The following PDCD10 variants were observed in gnomAD, a reference collection of about 807,000 sequenced individuals.
PDCD10 encodes the protein programmed cell death protein 10.
In PDCD10, 4 loss-of-function variants were observed where a neutral mutation model predicts 29.2. The observed-to-expected ratio is 0.14, with a 90% CI of 0.07 to 0.31. PDCD10 has a LOEUF of 0.31. Among genes scored for constraint, PDCD10 ranks in the 10% least tolerant of loss-of-function variants. PDCD10 has a pLI of 1.00. For synonymous variants in PDCD10, 70 were observed against 82.2 expected, an observed-to-expected ratio of 0.85 and a Z score of 0.80; for missense variants, 183 against 257.9, an observed-to-expected ratio of 0.71 and a Z score of 1.99.
chr3:167,710,010 G>A (rs1722370954), intron 3 of PDCD10, among the ~76,000 whole-genome samples: 1 of 152,126 alleles, frequency 6.6e-6, no homozygotes, highest in African/African-American at 2.4e-5. Context: ...GCCCTGAAGG[G>A]AAGGATCCAA....
At chr3:167,686,289 A>G (rs1018736045) in intron 8 of PDCD10, among the ~76,000 whole-genome samples, 1 of 152,194 alleles carries the variant, frequency 6.6e-6, no homozygotes, top group Non-Finnish European at 1.5e-5. Context: ...CATCACAACC[A>G]ATTATATATA....
At chr3:167,724,017 A>G (rs550823757) in intron 2 of PDCD10, among the ~76,000 whole-genome samples, 34 of 152,316 alleles carry the variant, frequency 2.2e-4, no homozygotes, top group Non-Finnish European at 4.1e-4. Flanking sequence ...CTCCGCTGCC[A>G]AACTCTTAAA....
intron 3 of PDCD10, among the ~76,000 whole-genome samples, chr3:167,719,327 G>A (rs1027756077): frequency 6.6e-6 from 1 of 152,044 alleles, no homozygotes; most frequent in Non-Finnish European, 1.5e-5. Context: ...GATTTGATTT[G>A]TTATAGGTAA....
chr3:167,706,866 C>T (rs1444110158), intron 3 of PDCD10, among the ~76,000 whole-genome samples: 1 of 152,142 alleles, frequency 6.6e-6, no homozygotes, highest in South Asian at 2.1e-4. Context: ...ATAATTTCAG[C>T]CTGTACTAGT....
At chr3:167,704,165 CAT>C (rs1223476513) in intron 4 of PDCD10, among the ~76,000 whole-genome samples, 1 of 152,170 alleles carries the variant, frequency 6.6e-6, no homozygotes, top group Non-Finnish European at 1.5e-5. Flanking sequence ...TTTTTAGACT[CAT>C]GTTCTATAAT....
rs540720198 is a variant in PDCD10, at chr3:167,695,752, T to A, written c.269-30A>T. 3.3e-4 allele frequency: 536 copies of A among 1,608,544 alleles called. 2 individuals are homozygous for A. The South Asian group carries it at 5.5e-3, about 17-fold the overall frequency. On this transcript the variant is annotated intron_variant, in intron 5 of 8. Coordinates refer to ENST00000392750, the MANE Select transcript of PDCD10 (RefSeq NM_007217.4). ...TAAAATAAATACATAATAAAAAACA[T>A]CCTGCGACTCTCTGCCAAATTCATC...
chr3:167,733,479 T>C (rs1462515985), intron 2 of PDCD10, among the ~76,000 whole-genome samples: 3 of 152,140 alleles, frequency 2.0e-5, no homozygotes, highest in African/African-American at 7.2e-5. Context: ...TCACAGTTGA[T>C]GCTAAGAAAA....
At chr3:167,707,528 A>G (rs1482932859) in intron 3 of PDCD10, among the ~76,000 whole-genome samples, 1 of 151,970 alleles carries the variant, frequency 6.6e-6, no homozygotes, top group Non-Finnish European at 1.5e-5. Flanking sequence ...AATACAAAAA[A>G]AAATTAGCTG....
chr3:167,700,733 G>T (rs1721318998), intron 4 of PDCD10, among the ~76,000 whole-genome samples: 1 of 152,124 alleles, frequency 6.6e-6, no homozygotes, highest in Non-Finnish European at 1.5e-5. Flanking sequence ...TGCCAGCCAA[G>T]GATAGTTTGA....
intron 6 of PDCD10, among the ~76,000 whole-genome samples, chr3:167,692,543 C>A (rs1720364924): frequency 6.6e-6 from 1 of 152,176 alleles, no homozygotes; most frequent in African/African-American, 2.4e-5. Context: ...AAATAAAACT[C>A]CATGAACAGT....
intron 8 of PDCD10, 48 bp from the exon 9 acceptor site, chr3:167,684,437 C>A (rs767244755): frequency 1.8e-6 from 2 of 1,112,956 alleles, no homozygotes; most frequent in East Asian, 2.4e-5. Context: ...AAAAAATTCA[C>A]CCTTTTAAGA....
At chr3:167,731,256 A>C (rs762912496) in intron 2 of PDCD10, among the ~76,000 whole-genome samples, 9 of 152,190 alleles carry the variant, frequency 5.9e-5, no homozygotes, top group Non-Finnish European at 1.3e-4. Context: ...TTCCATGTCT[A>C]TATTTTGTTA....
chr3:167,690,975 CT>C (rs964309340), intron 6 of PDCD10, among the ~76,000 whole-genome samples: 3 of 152,156 alleles, frequency 2.0e-5, no homozygotes, highest in Non-Finnish European at 2.9e-5. Context: ...TTTACTTGTA[CT>C]TTGATACAAT....
intron 6 of PDCD10, among the ~76,000 whole-genome samples, chr3:167,688,401 C>T (rs888008073): frequency 2.0e-5 from 3 of 152,142 alleles, no homozygotes; most frequent in Non-Finnish European, 2.9e-5. Flanking sequence ...TGCACTTTAA[C>T]CTTCCCAGCA....
intron 3 of PDCD10, among the ~76,000 whole-genome samples, chr3:167,707,103 G>C (rs1026952948): frequency 6.6e-6 from 1 of 152,168 alleles, no homozygotes; most frequent in Non-Finnish European, 1.5e-5. Context: ...ACGTGAAGCA[G>C]CTATATGAAA....
chr3:167,695,494 A>G (rs1032683379), intron 6 of PDCD10, 102 bp downstream of exon 6: 36 of 1,030,848 alleles, frequency 3.5e-5, no homozygotes, highest in South Asian at 5.3e-5. Flanking sequence ...TTTATTTCAA[A>G]TAAGCATTTC....
At chr3:167,690,074 T>C (rs1388342920) in intron 6 of PDCD10, among the ~76,000 whole-genome samples, 1 of 151,932 alleles carries the variant, frequency 6.6e-6, no homozygotes, top group East Asian at 1.9e-4. Context: ...GAGGGTAAAA[T>C]AAATATCGCA....
At chr3:167,724,100 G>C (rs1723855070) in intron 2 of PDCD10, among the ~76,000 whole-genome samples, 2 of 152,122 alleles carry the variant, frequency 1.3e-5, no homozygotes, top group Non-Finnish European at 2.9e-5. Context: ...GTATATCTCA[G>C]GGCTCAGAAT....
chr3:167,707,412 C>T (rs1028784956), intron 3 of PDCD10, among the ~76,000 whole-genome samples: 14 of 152,286 alleles, frequency 9.2e-5, no homozygotes, highest in African/African-American at 3.4e-4. Flanking sequence ...GGCACGGTGG[C>T]TCACGTCTGT....
Sources: allele counts gnomAD v4.1 joint callset (sites outside exome capture counted in the v4.1 genomes callset), GRCh38; gene constraint gnomAD v4.1.1; transcripts MANE v1.5; gene names NCBI Gene and HGNC (gene_info 2026-07-23, HGNC 2026-07-21).